The following KIFC3 variants were observed in gnomAD, a reference collection of about 807,000 sequenced individuals.
The protein encoded by KIFC3 is kinesin-like protein KIFC3.
A neutral mutation model predicts 101.8 loss-of-function variants in KIFC3; 60 were observed. That is an observed-to-expected ratio of 0.59 (90% CI 0.48 to 0.73). The LOEUF (loss-of-function observed/expected upper bound fraction) is 0.73. Ranked by LOEUF, KIFC3 falls within the 30% of genes least tolerant of loss-of-function variation. The probability of loss-of-function intolerance (pLI) is 0.00; values close to 1 mark genes in which losing one functional copy is unlikely to be tolerated. For missense variants in KIFC3, 966 were observed against 1,137.1 expected (o/e 0.85, Z 2.16); for synonymous variants, 476 against 482.7 (o/e 0.99, Z 0.18).
chr16:57,791,014 A>G, intron 3 of KIFC3: 1 of 692,790 alleles, frequency 1.4e-6, no homozygotes, highest in Non-Finnish European at 1.8e-6. Context: ...CGGGTGGATC[A>G]CCTGAGGTTA....
In KIFC3 at chr16:57,798,183, T is replaced by G; in HGVS notation, c.61A>C (p.Arg21=). 6.5e-7 allele frequency: 1 copy of G among 1,541,606 alleles called. No homozygotes were observed. Among genetic ancestry groups the G allele is most frequent in the Non-Finnish European group, 8.7e-7 (1 of 1,143,812 alleles). ...TCGGGCTCCGGGGCCCGGCCCACTCTCCACAGGCCCCGCAGCGAGGGCGTG... is the reference window on the plus strand; with the variant it reads ...TCGGGCTCCGGGGCCCGGCCCACTCGCCACAGGCCCCGCAGCGAGGGCGTG... The part of the protein sequence containing the change: ...GATPSLRGLW[R]VGRAPEPEPG... Residue 21 remains arginine (R), a synonymous_variant, in exon 2 of 20, where the codon AGA becomes CGA. Coordinates refer to ENST00000445690, the MANE Select transcript of KIFC3 (RefSeq NM_001130100.2).
intron 1 of KIFC3, among the ~76,000 whole-genome samples, chr16:57,822,198 G>T (rs138886667): frequency 0.026 from 4,031 of 152,232 alleles, 69 homozygotes; most frequent in South Asian, 0.03. Flanking sequence ...AGCACCTTTC[G>T]GGGCTGAGCA....
At chr16:57,759,055 C>T in intron 19 of KIFC3, 70 bp downstream of exon 19, 1 of 1,539,998 alleles carries the variant, frequency 6.5e-7, no homozygotes, top group South Asian at 1.2e-5. Context: ...AGCAGAACGT[C>T]CCAGCGCAGC....
At chr16:57,779,037 T>G (rs1263865257) in intron 3 of KIFC3, among the ~76,000 whole-genome samples, 1 of 152,138 alleles carries the variant, frequency 6.6e-6, no homozygotes, top group Non-Finnish European at 1.5e-5. Flanking sequence ...CCTCAAAAAA[T>G]TAAAAATTGA....
chr16:57,829,674 G>T (rs1159359998), intron 1 of KIFC3, among the ~76,000 whole-genome samples: 1 of 152,220 alleles, frequency 6.6e-6, no homozygotes, highest in Non-Finnish European at 1.5e-5. Context: ...ACTCAGATCT[G>T]TTTCCCTCCC....
At chr16:57,794,454 G>C (rs1672335233) in intron 3 of KIFC3, among the ~76,000 whole-genome samples, 1 of 151,890 alleles carries the variant, frequency 6.6e-6, no homozygotes, top group South Asian at 2.1e-4. Flanking sequence ...GTGAACTCCT[G>C]GGCTCAAGCG....
chr16:57,793,867 T>G (rs1179825849), intron 3 of KIFC3, among the ~76,000 whole-genome samples: 1 of 152,174 alleles, frequency 6.6e-6, no homozygotes, highest in Non-Finnish European at 1.5e-5. Flanking sequence ...AGTGGTTCTA[T>G]ATAGGAAAGA....
chr16:57,805,673 CTT>C (rs5817120), upstream of KIFC3, among the ~76,000 whole-genome samples: 376 of 97,958 alleles, frequency 3.8e-3, no homozygotes, highest in Middle Eastern at 0.016. Context: ...TGCCCATAGA[CTT>C]TTTTTTTTTT....
In KIFC3 at chr16:57,762,148, C is replaced by T; in HGVS notation, c.1740G>A (p.Glu580=). Residue 580 remains glutamate, a synonymous_variant, in exon 13 of 20, where the codon GAG becomes GAA. Coordinates refer to ENST00000445690, the MANE Select transcript of KIFC3 (RefSeq NM_001130100.2). ...CACCCTGGGGCTCCCACCTGAGGAC[C>T]TCATTGTAGATCTCCGCAGCGCTGA... ...ITVSAAEIYN[E]VLRDLLGKEP... 1 of 1,602,376 alleles carries T rather than the reference C, an allele frequency of 6.2e-7. No homozygotes were observed.
intron 1 of KIFC3, among the ~76,000 whole-genome samples, chr16:57,809,249 T>A (rs2055011228): frequency 6.6e-6 from 1 of 152,192 alleles, no homozygotes; most frequent in South Asian, 2.1e-4. Context: ...GAGGTTCCAG[T>A]GTCTGGGGCG....
chr16:57,825,158 A>T (rs1555630600), intron 1 of KIFC3, among the ~76,000 whole-genome samples: 1 of 152,208 alleles, frequency 6.6e-6, no homozygotes, highest in Non-Finnish European at 1.5e-5. Context: ...TCTGCAACAC[A>T]GATGACCTCT....
At chr16:57,819,898 C>A (rs1162381963) in intron 1 of KIFC3, among the ~76,000 whole-genome samples, 2 of 151,538 alleles carry the variant, frequency 1.3e-5, no homozygotes, top group South Asian at 2.1e-4. Flanking sequence ...GATGGAGTTT[C>A]ATTCTTGTTG....
chr16:57,796,381 T>TG (rs1568049694), intron 2 of KIFC3, among the ~76,000 whole-genome samples: 1 of 152,110 alleles, frequency 6.6e-6, no homozygotes, highest in East Asian at 1.9e-4. Context: ...CCCAGGGAGG[T>TG]GGGGGGCATT....
chr16:57,794,210 A>G (rs2054113712), intron 3 of KIFC3, among the ~76,000 whole-genome samples: 1 of 151,970 alleles, frequency 6.6e-6, no homozygotes, highest in Admixed American at 6.6e-5. Context: ...ATATACATAC[A>G]TATGTAAAGT....
chr16:57,803,187 T>C (rs184424207), upstream of KIFC3: 338 of 742,618 alleles, frequency 4.6e-4, 1 homozygote, highest in African/African-American at 4.7e-3. Context: ...AACACACCAA[T>C]GGTGCAGCAG....
intron 1 of KIFC3, among the ~76,000 whole-genome samples, chr16:57,860,047 TAAAATAAA>T (rs1567349053): frequency 0.028 from 3,881 of 136,420 alleles, 235 homozygotes; most frequent in African/African-American, 0.095. Flanking sequence ...TAAAATAAAA[TAAAATAAA>T]ATAAAATAAA....
intron 3 of KIFC3, among the ~76,000 whole-genome samples, chr16:57,773,527 G>A (rs981574851): frequency 1.3e-5 from 2 of 152,186 alleles, no homozygotes; most frequent in Non-Finnish European, 2.9e-5. Flanking sequence ...ACCAGTGCAC[G>A]CTTATAATCC....
At chr16:57,778,837 C>T (rs1281678601) in intron 3 of KIFC3, among the ~76,000 whole-genome samples, 1 of 152,090 alleles carries the variant, frequency 6.6e-6, no homozygotes, top group African/African-American at 2.4e-5. Flanking sequence ...AGTTCAGAGG[C>T]TACAGTGAGC....
intron 1 of KIFC3, among the ~76,000 whole-genome samples, chr16:57,854,643 AAG>A (rs1555484030): frequency 1.5e-5 from 2 of 135,092 alleles, no homozygotes; most frequent in Non-Finnish European, 3.4e-5. Context: ...AAAAAAAAAA[AAG>A]AAAGAAAGAA....
Sources: gnomAD v4.1 joint callset for allele counts (sites outside exome capture counted in the v4.1 genomes callset) on GRCh38, gnomAD v4.1.1 for gene constraint, MANE v1.5 for transcripts, NCBI Gene and HGNC (gene_info 2026-07-23, HGNC 2026-07-21) for gene names.